The following CACNB4 variants were observed in gnomAD, a reference collection of about 807,000 sequenced individuals.
The protein encoded by CACNB4 is voltage-dependent L-type calcium channel subunit beta-4.
Under a neutral mutation model 71.2 loss-of-function variants are expected in CACNB4, and 32 were observed. The observed-to-expected ratio is 0.45, with a 90% confidence interval of 0.34 to 0.60. CACNB4 has a LOEUF of 0.60. Ranked by LOEUF, CACNB4 falls within the 20% of genes least tolerant of loss-of-function variation. The pLI is 0.01. For synonymous variants in CACNB4, 231 were observed against 236.9 expected (o/e 0.97, Z 0.23); for missense variants, 464 against 647.9 (o/e 0.72, Z 3.08).
At chr2:152,052,958 G>A (rs141304773) in intron 2 of CACNB4, among the ~76,000 whole-genome samples, 4 of 151,922 alleles carry the variant, frequency 2.6e-5, no homozygotes, top group East Asian at 3.9e-4. Flanking sequence ...CTCCAGCCTC[G>A]GTGACATAGC....
chr2:152,037,868 C>G (rs905465444), intron 2 of CACNB4, among the ~76,000 whole-genome samples: 1 of 152,128 alleles, frequency 6.6e-6, no homozygotes, highest in Non-Finnish European at 1.5e-5. Context: ...CTGCTCCCCC[C>G]TCATCCTTGG....
chr2:151,874,134 C>A (rs1402545706), intron 5 of CACNB4: 1 of 144,722 alleles, frequency 6.9e-6, no homozygotes, highest in Non-Finnish European at 1.5e-5. Context: ...AGAACCATGA[C>A]AATTAAAGCT....
At chr2:151,929,988 AT>A (rs1172248914) in intron 2 of CACNB4, among the ~76,000 whole-genome samples, 1 of 152,158 alleles carries the variant, frequency 6.6e-6, no homozygotes, top group Non-Finnish European at 1.5e-5. Context: ...TTTGGGGAAC[AT>A]TTTCACAAAA....
chr2:152,067,898 C>A (rs982975070), intron 2 of CACNB4, among the ~76,000 whole-genome samples: 10 of 152,128 alleles, frequency 6.6e-5, no homozygotes, highest in Non-Finnish European at 1.5e-4. Flanking sequence ...AGTTGTATGG[C>A]TTTTATTAAC....
chr2:152,041,914 C>T (rs771666932), intron 2 of CACNB4, among the ~76,000 whole-genome samples: 4 of 152,214 alleles, frequency 2.6e-5, no homozygotes, highest in Non-Finnish European at 4.4e-5. Flanking sequence ...AGGGCAGAGC[C>T]TCTGTCCTGC....
At chr2:151,996,461 A>G (rs1035125280) in intron 2 of CACNB4, among the ~76,000 whole-genome samples, 3 of 149,104 alleles carry the variant, frequency 2.0e-5, no homozygotes, top group Non-Finnish European at 4.4e-5. Context: ...TGGGCAACAG[A>G]GCAAGACCCT....
At chr2:151,878,550 T>TAAACACACACACAC (rs1553758243) in intron 4 of CACNB4, among the ~76,000 whole-genome samples, 26 of 129,962 alleles carry the variant, frequency 2.0e-4, no homozygotes, top group African/African-American at 7.5e-4. Context: ...AGACCCTGTC[T>TAAACACACACACAC]ACACACACAC....
intron 2 of CACNB4, among the ~76,000 whole-genome samples, chr2:152,077,012 A>G (rs1687066842): frequency 1.3e-5 from 2 of 152,182 alleles, no homozygotes; most frequent in Admixed American, 1.3e-4. Flanking sequence ...CTAAAAAGGT[A>G]ATGTTTGGGT....
chr2:151,973,710 A>G (rs1393362796), intron 2 of CACNB4: 3 of 1,613,514 alleles, frequency 1.9e-6, no homozygotes, highest in Non-Finnish European at 2.5e-6. Flanking sequence ...AAATTGTCAT[A>G]CATGGAGGTG....
intron 12 of CACNB4, 111 bp downstream of exon 12, chr2:151,853,337 A>G (rs747965305): frequency 1.1e-4 from 72 of 640,542 alleles, no homozygotes; most frequent in Middle Eastern, 8.0e-4. Flanking sequence ...TTAGATGACA[A>G]CATACCATCA....
chr2:152,072,693 T>G (rs1024109982), intron 2 of CACNB4, among the ~76,000 whole-genome samples: 1 of 151,920 alleles, frequency 6.6e-6, no homozygotes, highest in Non-Finnish European at 1.5e-5. Context: ...CAGGTTGGAG[T>G]GCAGTGGCAT....
intron 2 of CACNB4, among the ~76,000 whole-genome samples, chr2:151,897,128 C>T (rs908937): frequency 0.72 from 110,257 of 152,186 alleles, 40,778 homozygotes; most frequent in East Asian, 0.94. Flanking sequence ...TCCAGCACAT[C>T]ATCTTGATTT....
In CACNB4 at chr2:151,964,764, G is replaced by A. The variant is rs190164972; in HGVS notation, c.148-81394C>T. 1.5e-3 allele frequency among the ~76,000 whole-genome samples: 226 copies of A among 152,204 alleles called. 1 individual carries two copies. Among genetic ancestry groups the A allele is most frequent in the African/African-American group, 5.2e-3 (216 of 41,544 alleles). The stretch of plus-strand genomic sequence containing the variant: ...TCTAGGAATATGCATTATGTTTTAC[G>A]TACCAAATTTTTGGGTTTTAGTTAA... On this transcript the variant is annotated intron_variant, in intron 2 of 13. Transcript: ENST00000539935.
chr2:152,091,077 A>G (rs919121872), intron 2 of CACNB4, among the ~76,000 whole-genome samples: 12 of 151,976 alleles, frequency 7.9e-5, no homozygotes, highest in Non-Finnish European at 2.9e-5. Context: ...AGGCAATTCT[A>G]TCCATCAGGA....
Position 152,088,968 on chromosome 2 carries a change from T to C in CACNB4, c.147+9362A>G, listed in dbSNP as rs145154298. Among the ~76,000 whole-genome samples the C allele has an allele frequency of 2.7e-4, 41 of 152,354 alleles. 1 individual carries two copies. In the East Asian group the frequency reaches 7.7e-3, roughly 29 times the overall value. On this transcript the variant is annotated intron_variant, in intron 2 of 13. Coordinates refer to ENST00000539935, the MANE Select transcript of CACNB4 (RefSeq NM_000726.5). Reference sequence around the variant, plus strand: ...CTAGCACACAGCTTGTCATTATTGTTACTTGAAAGCAGTAAAGCTACAGTA... The same window carrying C: ...CTAGCACACAGCTTGTCATTATTGTCACTTGAAAGCAGTAAAGCTACAGTA...
At chr2:151,878,399 A>G (rs1389520869) in intron 4 of CACNB4, among the ~76,000 whole-genome samples, 1 of 152,152 alleles carries the variant, frequency 6.6e-6, no homozygotes, top group Non-Finnish European at 1.5e-5. Flanking sequence ...TGAGTGGCAT[A>G]AAGTATGAGA....
At chr2:152,014,766 G>GA (rs1447687508) in intron 2 of CACNB4, among the ~76,000 whole-genome samples, 10 of 151,914 alleles carry the variant, frequency 6.6e-5, no homozygotes, top group Non-Finnish European at 1.5e-4. Flanking sequence ...AATTAATATG[G>GA]AAAAACTGTC....
At chr2:152,085,799 C>A (rs1687628182) in intron 2 of CACNB4, among the ~76,000 whole-genome samples, 1 of 146,090 alleles carries the variant, frequency 6.8e-6, no homozygotes, top group Admixed American at 7.2e-5. Flanking sequence ...TTTTTGATAA[C>A]CTGCTGCAGC....
chr2:151,925,376 C>A (rs576045000), intron 2 of CACNB4, among the ~76,000 whole-genome samples: 4 of 152,240 alleles, frequency 2.6e-5, no homozygotes, highest in Admixed American at 2.0e-4. Context: ...AATTTCTGAA[C>A]GTCCTTTAAA....
Sources: allele counts gnomAD v4.1 joint callset (sites outside exome capture counted in the v4.1 genomes callset), GRCh38; gene constraint gnomAD v4.1.1; transcripts MANE v1.5; gene names NCBI Gene and HGNC (gene_info 2026-07-23, HGNC 2026-07-21).